RALGAPA2: variants seen among roughly 807,000 people sequenced by gnomAD.
The protein encoded by RALGAPA2 is Ral GTPase activating protein catalytic subunit alpha 2, also known as ral GTPase-activating protein subunit alpha-2.
In RALGAPA2, 139 loss-of-function variants were observed where a neutral mutation model predicts 230.4. The observed-to-expected ratio is 0.60, with a 90% CI of 0.53 to 0.69. The LOEUF (loss-of-function observed/expected upper bound fraction) is 0.69. RALGAPA2 is among the 30% of genes least tolerant of loss of function. The pLI is 0.00. For synonymous variants in RALGAPA2, 847 were observed against 837.8 expected (o/e 1.01, Z -0.19); for missense variants, 2,163 against 2,276.0 (o/e 0.95, Z 1.01).
intron 23 of RALGAPA2, among the ~76,000 whole-genome samples, chr20:20,557,323 TA>T (rs1210523412): frequency 6.7e-6 from 1 of 148,848 alleles, no homozygotes; most frequent in Admixed American, 6.7e-5. Flanking sequence ...AAAAAAGGGG[TA>T]AGTAAAATGC....
chr20:20,604,686 T>C (rs78335113), intron 15 of RALGAPA2, among the ~76,000 whole-genome samples: 1 of 152,008 alleles, frequency 6.6e-6, no homozygotes, highest in Non-Finnish European at 1.5e-5. Context: ...TTTTTTTTTT[T>C]GCAATTTCTT....
chr20:20,569,238 C>T (rs1475382685), intron 23 of RALGAPA2, among the ~76,000 whole-genome samples: 5 of 152,106 alleles, frequency 3.3e-5, no homozygotes, highest in African/African-American at 7.2e-5. Flanking sequence ...AGGTCTTCTG[C>T]GTAATTTTCA....
intron 33 of RALGAPA2, among the ~76,000 whole-genome samples, chr20:20,507,183 A>G (rs2062560180): frequency 6.6e-6 from 1 of 152,184 alleles, no homozygotes; most frequent in African/African-American, 2.4e-5. Flanking sequence ...GAACACTTTT[A>G]TATCATGTGC....
At chr20:20,470,737 T>C (rs2061520755) in intron 37 of RALGAPA2, among the ~76,000 whole-genome samples, 1 of 152,248 alleles carries the variant, frequency 6.6e-6, no homozygotes, top group East Asian at 1.9e-4. Flanking sequence ...CTTGTCATGG[T>C]ATTTTTTATT....
At chr20:20,700,089 A>C (rs2069286647) in intron 1 of RALGAPA2, among the ~76,000 whole-genome samples, 1 of 152,226 alleles carries the variant, frequency 6.6e-6, no homozygotes, top group Non-Finnish European at 1.5e-5. Flanking sequence ...GGATAAAGAA[A>C]ATGTGGTACA....
At chr20:20,507,159 C>T (rs2062559693) in intron 33 of RALGAPA2, among the ~76,000 whole-genome samples, 1 of 152,064 alleles carries the variant, frequency 6.6e-6, no homozygotes, top group Non-Finnish European at 1.5e-5. Context: ...CCATTTCAAC[C>T]ATTTTTTTAG....
intron 1 of RALGAPA2, among the ~76,000 whole-genome samples, chr20:20,686,613 T>C (rs531200794): frequency 2.0e-5 from 3 of 152,016 alleles, no homozygotes; most frequent in Admixed American, 2.0e-4. Context: ...ATATGTAGAA[T>C]GCTTATAAGA....
At chr20:20,614,905 C>T (rs3748442) in intron 13 of RALGAPA2, among the ~76,000 whole-genome samples, 5,376 of 152,230 alleles carry the variant, frequency 0.035, 159 homozygotes, top group East Asian at 0.12. Context: ...TCTGCAGGGC[C>T]TCCAAGGACT....
rs141487182 is a variant in RALGAPA2, at chr20:20,418,104, G to A, written c.5496-5956C>T. ...AGAAGGTAGAACTACTAGGCACAAC[G>A]TGGGAGGAAGCATCTGCGACTCAGA... On this transcript the variant is annotated intron_variant, in intron 37 of 39. Transcript: ENST00000202677. 4.9e-3 allele frequency among the ~76,000 whole-genome samples: 750 copies of A among 152,308 alleles called. 2 individuals carry two copies. The highest frequency in any genetic ancestry group is 0.017 in the African/African-American group (694 of 41,566).
At chr20:20,668,278 CT>C (rs889616730) in intron 3 of RALGAPA2, among the ~76,000 whole-genome samples, 1 of 152,136 alleles carries the variant, frequency 6.6e-6, no homozygotes, top group African/African-American at 2.4e-5. Context: ...TGGCAGGTGC[CT>C]GTAGTCCCAG....
intron 37 of RALGAPA2, among the ~76,000 whole-genome samples, chr20:20,438,052 A>G (rs564504249): frequency 6.6e-5 from 10 of 152,342 alleles, no homozygotes; most frequent in African/African-American, 9.6e-5. Context: ...GGTGATGATC[A>G]AAATTCCAGG....
chr20:20,536,907 C>T lies in RALGAPA2; in HGVS notation c.3286-123G>A, dbSNP rs2063513091. On this transcript the variant is annotated intron_variant, in intron 24 of 39. Transcript: ENST00000202677. ...CCAAACTTGGCCGAGTTATTCTCTT[C>T]CAAGTGCATATTTAAGCAAAAGAGG... 4 of 1,140,360 alleles carry T rather than the reference C, an allele frequency of 3.5e-6. No individual in the cohort carries two copies. In the South Asian group the frequency reaches 6.8e-5, roughly 19 times the overall value. 70.6% of individuals were successfully genotyped at this position (1,140,360 alleles called of 1,614,324 possible).
intron 37 of RALGAPA2, among the ~76,000 whole-genome samples, chr20:20,456,071 A>T (rs899034000): frequency 2.0e-5 from 3 of 152,142 alleles, no homozygotes; most frequent in Admixed American, 6.5e-5. Flanking sequence ...TCATGACTTA[A>T]CTCTCTGGAT....
intron 1 of RALGAPA2, among the ~76,000 whole-genome samples, chr20:20,688,907 T>C (rs1346026608): frequency 6.6e-6 from 1 of 152,196 alleles, no homozygotes; most frequent in African/African-American, 2.4e-5. Flanking sequence ...ACTACTACCC[T>C]AGATACAGAT....
At chr20:20,694,143 T>TAA (rs966226495) in intron 1 of RALGAPA2, among the ~76,000 whole-genome samples, 2 of 143,714 alleles carry the variant, frequency 1.4e-5, no homozygotes, top group Non-Finnish European at 1.5e-5. Context: ...ACCGTAACTT[T>TAA]AAAAAAAAAA....
intron 37 of RALGAPA2, among the ~76,000 whole-genome samples, chr20:20,438,981 G>C (rs957407107): frequency 2.0e-5 from 3 of 152,106 alleles, no homozygotes; most frequent in Non-Finnish European, 4.4e-5. Context: ...GTGCAAAAGG[G>C]GAAGAAAAGC....
chr20:20,574,416 T>C (rs1308998436), intron 20 of RALGAPA2, among the ~76,000 whole-genome samples: 2 of 152,222 alleles, frequency 1.3e-5, no homozygotes, highest in East Asian at 1.9e-4. Context: ...TAATGAAGAA[T>C]TTAATGATTT....
intron 11 of RALGAPA2, 49 bp downstream of exon 11, chr20:20,620,414 T>C: frequency 6.3e-7 from 1 of 1,577,500 alleles, no homozygotes; most frequent in East Asian, 2.2e-5. Context: ...AAGTATACTT[T>C]ACTAAAATAT....
chr20:20,490,639 T>G (rs1256850149), intron 36 of RALGAPA2, among the ~76,000 whole-genome samples: 1 of 152,196 alleles, frequency 6.6e-6, no homozygotes, highest in African/African-American at 2.4e-5. Context: ...ATAACCATGT[T>G]GCAAAGTCAA....
Sources: gnomAD v4.1 joint callset for allele counts (sites outside exome capture counted in the v4.1 genomes callset) on GRCh38, gnomAD v4.1.1 for gene constraint, MANE v1.5 for transcripts, NCBI Gene and HGNC (gene_info 2026-07-23, HGNC 2026-07-21) for gene names.